The following ELFN1 variants were observed in gnomAD, a reference collection of about 807,000 sequenced individuals.
The protein encoded by ELFN1 is protein ELFN1.
Under a neutral mutation model 7.6 loss-of-function variants are expected in ELFN1, and 6 were observed. The observed-to-expected ratio is 0.79, with a 90% CI of 0.43 to 1.56. The LOEUF is 1.56. ELFN1 is among the 40% of genes most tolerant of loss of function. ELFN1 has a pLI of 0.01. For missense variants in ELFN1, 1,169 were observed against 1,232.2 expected, an observed-to-expected ratio of 0.95 and a Z score of 0.77; for synonymous variants, 657 against 588.1, an observed-to-expected ratio of 1.12 and a Z score of -1.70.
At chr7:1,700,037 C>A (rs1044543070) in intron 2 of ELFN1, among the ~76,000 whole-genome samples, 1 of 152,156 alleles carries the variant, frequency 6.6e-6, no homozygotes, top group Non-Finnish European at 1.5e-5. Flanking sequence ...TGGTGGTTTC[C>A]ATTTTTTTCC....
chr7:1,678,190 C>T (rs1461803648), intron 1 of ELFN1, among the ~76,000 whole-genome samples: 1 of 152,110 alleles, frequency 6.6e-6, no homozygotes, highest in Non-Finnish European at 1.5e-5. Context: ...CACCGTGCTC[C>T]CACACACACT....
At chr7:1,700,695 C>T (rs984075994) in intron 2 of ELFN1, among the ~76,000 whole-genome samples, 10 of 152,332 alleles carry the variant, frequency 6.6e-5, no homozygotes, top group Middle Eastern at 3.4e-3. Flanking sequence ...TTTCCCAAAG[C>T]GGTGGTGAGG....
intron 2 of ELFN1, among the ~76,000 whole-genome samples, chr7:1,702,130 A>G (rs866956454): frequency 6.6e-6 from 1 of 152,128 alleles, no homozygotes; most frequent in South Asian, 2.1e-4. Flanking sequence ...CTGATGGAAG[A>G]AGAGCCATCC....
intron 3 of ELFN1, among the ~76,000 whole-genome samples, chr7:1,736,089 G>A (rs1049943163): frequency 5.9e-5 from 9 of 152,188 alleles, no homozygotes; most frequent in African/African-American, 1.9e-4. Context: ...TGCGGCTCGA[G>A]GCCCAACTGC....
rs10250976 is a variant in ELFN1, at chr7:1,695,039, T to C, written c.-456+6889T>C. Among the ~76,000 whole-genome samples the C allele has an allele frequency of 0.019, 2,874 of 152,254 alleles. 101 individuals carry two copies. The highest frequency in any genetic ancestry group is 0.066 in the African/African-American group (2,734 of 41,548). The stretch of plus-strand genomic sequence containing the variant: ...AGAGGGGCGTCGGGCGTCGTGCACA[T>C]GTGCCCATCCCCCTCACTTTGAGTT... On this transcript the variant is annotated intron_variant, in intron 2 of 3. Transcript: ENST00000424383. This position sits in a 1 kb window ranked among gnomAD's most constrained non-coding sequence, Gnocchi z 5.1.
rs1404367376 is a variant in ELFN1, at chr7:1,685,974, T to C, written c.-548-2084T>C. ...ATAGTTATATTATACAAATATATAA[T>C]ATAAATATATATTTATATTATAAAA... On this transcript the variant is annotated intron_variant, in intron 1 of 3. Coordinates refer to ENST00000424383, the MANE Select transcript of ELFN1 (RefSeq NM_001128636.4). Among the ~76,000 whole-genome samples the C allele has an allele frequency of 2.0e-5, 3 of 147,828 alleles. No homozygotes were observed. In the East Asian group the frequency reaches 5.8e-4, roughly 29 times the overall value.
intron 2 of ELFN1, among the ~76,000 whole-genome samples, chr7:1,696,850 G>A (rs1321456747): frequency 6.6e-6 from 1 of 152,218 alleles, no homozygotes; most frequent in East Asian, 1.9e-4. Flanking sequence ...GCACACTTCA[G>A]CCCACGGCAC....
intron 3 of ELFN1, among the ~76,000 whole-genome samples, chr7:1,726,455 C>G (rs376612626): frequency 2.6e-5 from 4 of 152,354 alleles, no homozygotes; most frequent in East Asian, 3.9e-4. Context: ...CAGCCCAACA[C>G]CACGCCAAGT....
chr7:1,703,194 G>T (rs1779463241), intron 2 of ELFN1, among the ~76,000 whole-genome samples: 1 of 152,088 alleles, frequency 6.6e-6, no homozygotes, highest in Non-Finnish European at 1.5e-5. Context: ...TGTATTTTCT[G>T]TTTTGTGTTT....
At position 1,720,102 on chromosome 7, in the gene ELFN1, G is replaced by A. The variant is rs556318283; in HGVS notation, c.-294+10850G>A. On this transcript the variant is annotated intron_variant, in intron 3 of 3. Transcript: ENST00000424383. Reference sequence around the variant, plus strand: ...AATAAGACTCAGCTGACAGCATTCTGGCACAGTGTCCTTTGCGAGCCTGAT... The same window carrying A: ...AATAAGACTCAGCTGACAGCATTCTAGCACAGTGTCCTTTGCGAGCCTGAT... 1.5e-4 allele frequency among the ~76,000 whole-genome samples: 23 copies of A among 152,258 alleles called. No homozygotes were observed. In the Middle Eastern group the frequency reaches 0.01, roughly 68 times the overall value.
intron 3 of ELFN1, among the ~76,000 whole-genome samples, chr7:1,727,286 G>A (rs1294827804): frequency 6.6e-6 from 1 of 152,196 alleles, no homozygotes; most frequent in African/African-American, 2.4e-5. Context: ...TCTCCCTGGG[G>A]TAGCTAGAAA....
At chr7:1,690,722 T>TGCCTGAATGA (rs1779144519) in intron 2 of ELFN1, among the ~76,000 whole-genome samples, 1 of 147,406 alleles carries the variant, frequency 6.8e-6, no homozygotes, top group Non-Finnish European at 1.5e-5. Context: ...GATGGATGGA[T>TGCCTGAATGA]GGGCGGGTGT....
At position 1,730,510 on chromosome 7, in the gene ELFN1, A is replaced by G. The variant is rs1780305278; in HGVS notation, c.-293-13794A>G. Among the ~76,000 whole-genome samples the G allele has an allele frequency of 2.6e-5, 4 of 152,262 alleles. No homozygotes were observed. The South Asian group carries it at 8.3e-4, about 31-fold the overall frequency. On this transcript the variant is annotated intron_variant, in intron 3 of 3. Coordinates refer to ENST00000424383, the MANE Select transcript of ELFN1 (RefSeq NM_001128636.4). ...GCCATGATTATGTAGAAGTTATACA[A>G]AAAATTCAAAGTTGGCTTAATATTA...
At chr7:1,674,178 G>A (rs1473916368) in intron 1 of ELFN1, among the ~76,000 whole-genome samples, 9 of 150,674 alleles carry the variant, frequency 6.0e-5, no homozygotes, top group Non-Finnish European at 1.2e-4. Flanking sequence ...GGGGTGCCCA[G>A]GAGCCGGTGG....
chr7:1,703,298 C>T (rs572403083), intron 2 of ELFN1, among the ~76,000 whole-genome samples: 156 of 152,288 alleles, frequency 1.0e-3, no homozygotes, highest in African/African-American at 3.4e-3. Context: ...ATTTATCTGT[C>T]ACATTCGCCA....
chr7:1,746,514 A>C lies in ELFN1; in HGVS notation c.1918A>C (p.Thr640Pro). The change falls in exon 4 of 4, where the codon ACC (threonine) becomes CCC (proline). Residue 640 changes from threonine to proline, a missense_variant. Coordinates refer to ENST00000424383, the MANE Select transcript of ELFN1 (RefSeq NM_001128636.4). The part of the protein sequence containing the change: ...VEAAGPPRAS[T>P]SSSGSVRSPR... The stretch of plus-strand genomic sequence containing the variant: ...GGCCGCCGGGCCCCCTCGTGCCAGC[A>C]CCTCGTCCAGCGGCTCCGTGCGCAG... The C allele has an allele frequency of 6.8e-7, 1 of 1,472,102 alleles. No individual in the cohort carries two copies. The highest frequency in any genetic ancestry group is 8.9e-7 in the Non-Finnish European group (1 of 1,121,346). 91.2% of individuals were successfully genotyped at this position (1,472,102 alleles called of 1,614,324 possible).
chr7:1,747,233 C>A lies in ELFN1; in HGVS notation c.*150C>A. ...CGAGGGGGGAGCGAGTGGGGACAGA[C>A]AAGGGGGACACGTCCCGAGCTCCTG... On this transcript the variant is annotated 3_prime_UTR_variant, in exon 4 of 4. Transcript: ENST00000424383. 1.1e-6 allele frequency: 1 copy of A among 925,092 alleles called. No individual in the cohort carries two copies. The highest frequency in any genetic ancestry group is 1.5e-6 in the Non-Finnish European group (1 of 657,958). 57.3% of individuals were successfully genotyped at this position (925,092 alleles called of 1,614,324 possible). A position where few individuals can be genotyped will look rare whatever the true frequency, so the allele number is the denominator to read the frequency against.
chr7:1,706,831 G>T (rs1779540246), intron 2 of ELFN1, among the ~76,000 whole-genome samples: 1 of 152,262 alleles, frequency 6.6e-6, no homozygotes, highest in African/African-American at 2.4e-5. Flanking sequence ...GTTGGCAGAT[G>T]CTAGGCAGGA....
rs1352160814 is a variant in ELFN1, at chr7:1,746,696, C to T, written c.2100C>T (p.Tyr700=). ...CCGAGGCCGAGAAGGGTCGCCAGTA[C>T]GGCGAGCACCGGCACTCGTACCCCG... is the stretch of plus-strand genomic sequence containing the variant. The part of the protein sequence containing the change: ...LRAEAEKGRQ[Y]GEHRHSYPGS... The change falls in exon 4 of 4, where the codon TAC becomes TAT. Residue 700 remains tyrosine, a synonymous_variant. Transcript: ENST00000424383. 8.2e-6 allele frequency: 12 copies of T among 1,456,048 alleles called. No homozygotes were observed. The East Asian group carries it at 1.5e-4, about 18-fold the overall frequency. The allele number at this position is 1,456,048 out of a possible 1,614,324, so 90.2% of individuals were successfully genotyped here.
Sources: allele counts gnomAD v4.1 joint callset (sites outside exome capture counted in the v4.1 genomes callset), GRCh38; gene constraint gnomAD v4.1.1; non-coding constraint Gnocchi (gnomAD v3.1); transcripts MANE v1.5; gene names NCBI Gene and HGNC (gene_info 2026-07-23, HGNC 2026-07-21).